The following CYREN variants were observed in gnomAD, a reference collection of about 807,000 sequenced individuals.
The protein encoded by CYREN is cell cycle regulator of NHEJ, also known as cell cycle regulator of non-homologous end joining.
A neutral mutation model predicts 9.7 loss-of-function variants in CYREN; 7 were observed. The observed-to-expected ratio is 0.72, with a 90% CI of 0.41 to 1.36. The LOEUF is 1.36. CYREN is among the 40% of genes most tolerant of loss of function. The pLI, the probability that CYREN is intolerant of heterozygous loss-of-function variation, is 0.01. For synonymous variants in CYREN, 76 were observed against 77.9 expected (o/e 0.98, Z 0.13); for missense variants, 215 against 198.1 (o/e 1.09, Z -0.51).
At chr7:135,128,678 G>T in intron 2 of CYREN, 1 of 1,244,586 alleles carries the variant, frequency 8.0e-7, no homozygotes, top group Non-Finnish European at 1.2e-6. Context: ...TAGTATACCT[G>T]AATATTGTCT....
intron 2 of CYREN, 130 bp from the exon 3 acceptor site, chr7:135,167,937 G>T: frequency 1.4e-6 from 2 of 1,473,332 alleles, no homozygotes; most frequent in Non-Finnish European, 1.8e-6. Context: ...CCTCTGAGCT[G>T]AGGAGCTTTC....
At chr7:135,124,594 C>T (rs10268206) in intron 2 of CYREN, among the ~76,000 whole-genome samples, 76,964 of 152,086 alleles carry the variant, frequency 0.51, 19,752 homozygotes, top group South Asian at 0.66. Flanking sequence ...ACAGAATATA[C>T]GTTCTTCTCT....
intron 2 of CYREN, chr7:135,168,333 A>C (rs73153794): frequency 0.5 from 44,729 of 88,662 alleles, 12,631 homozygotes; most frequent in South Asian, 0.65. Context: ...TCATTCAACT[A>C]ACTCACTCCC....
chr7:135,115,715 A>C, intron 2 of CYREN: 1 of 930,852 alleles, frequency 1.1e-6, no homozygotes, highest in Non-Finnish European at 1.6e-6. Context: ...CTGCTCTTGA[A>C]AATGATGTCA....
At chr7:135,105,422 T>C (rs1824543058) in intron 2 of CYREN, among the ~76,000 whole-genome samples, 1 of 152,158 alleles carries the variant, frequency 6.6e-6, no homozygotes, top group African/African-American at 2.4e-5. Flanking sequence ...TGGTGTAAGG[T>C]AGGGGTGCAG....
intron 2 of CYREN, among the ~76,000 whole-genome samples, chr7:135,144,670 T>G (rs181594781): frequency 7.3e-5 from 11 of 151,556 alleles, no homozygotes. Context: ...AATCCCAGCA[T>G]TCTGGGAGGC....
chr7:135,102,724 T>C (rs1824036089), intron 2 of CYREN, among the ~76,000 whole-genome samples: 1 of 151,552 alleles, frequency 6.6e-6, no homozygotes, highest in Admixed American at 6.6e-5. Flanking sequence ...AATATTCATA[T>C]AAAAATTAAC....
chr7:135,134,919 C>A, intron 2 of CYREN: 2 of 1,551,044 alleles, frequency 1.3e-6, no homozygotes, highest in Non-Finnish European at 1.7e-6. Context: ...CTTTTGTAAT[C>A]CAAGGGGATG....
intron 2 of CYREN, among the ~76,000 whole-genome samples, chr7:135,097,206 C>T (rs1330008637): frequency 6.6e-6 from 1 of 152,068 alleles, no homozygotes; most frequent in Non-Finnish European, 1.5e-5. Flanking sequence ...AATATCCCGT[C>T]GGTCAACAAA....
chr7:135,125,031 G>A (rs945535196), intron 2 of CYREN, among the ~76,000 whole-genome samples: 1 of 151,732 alleles, frequency 6.6e-6, no homozygotes, highest in Non-Finnish European at 1.5e-5. Context: ...GCTAGCAGAA[G>A]ACAAGAAATA....
intron 2 of CYREN, among the ~76,000 whole-genome samples, chr7:135,145,270 T>C (rs1829525378): frequency 6.6e-6 from 1 of 152,234 alleles, no homozygotes; most frequent in South Asian, 2.1e-4. Context: ...CAAGTTAGAA[T>C]GAAGATATTT....
At chr7:135,129,761 C>T (rs1463906398) in intron 2 of CYREN, 1 of 661,576 alleles carries the variant, frequency 1.5e-6, no homozygotes, top group Non-Finnish European at 2.8e-6. Context: ...ACAAAGTAAC[C>T]CTGCAGGATA....
At chr7:135,144,555 A>C (rs1283206217) in intron 2 of CYREN, among the ~76,000 whole-genome samples, 2 of 152,090 alleles carry the variant, frequency 1.3e-5, no homozygotes, top group African/African-American at 4.8e-5. Context: ...CCAGAGAACC[A>C]GTGAAAGAGA....
chr7:135,103,354 T>C (rs2117050080), intron 2 of CYREN, among the ~76,000 whole-genome samples: 1 of 152,252 alleles, frequency 6.6e-6, no homozygotes, highest in Middle Eastern at 3.4e-3. Flanking sequence ...ATATAGAAAA[T>C]GTTTTAAGTG....
chr7:135,095,525 C>A (rs1391164228), intron 2 of CYREN, among the ~76,000 whole-genome samples: 1 of 152,146 alleles, frequency 6.6e-6, no homozygotes, highest in Non-Finnish European at 1.5e-5. Flanking sequence ...ATAGTAAAGG[C>A]CTATTAACTT....
At chr7:135,124,888 C>T (rs1827644069) in intron 2 of CYREN, among the ~76,000 whole-genome samples, 1 of 152,168 alleles carries the variant, frequency 6.6e-6, no homozygotes, top group African/African-American at 2.4e-5. Flanking sequence ...CTCTGGGACA[C>T]AGCTAAAGCA....
In CYREN at chr7:135,166,663, T is replaced by C; in HGVS notation, c.422A>G (p.Glu141Gly). The C allele has an allele frequency of 6.2e-7, 1 of 1,608,916 alleles. No individual in the cohort carries two copies. ...SSSACSRSPE[E>G]EEEEDVLKYV... ...TTTCAGCACATCCTCTTCCTCCTCC[T>C]CCTCAGGGCTCCTGCTACAGGCAGA... The change falls in exon 4 of 4, where the codon GAG (glutamate) becomes GGG (glycine). Residue 141 changes from glutamate to glycine, a missense_variant. Glu to Gly is a moderately conservative substitution (Grantham distance 98). Coordinates refer to ENST00000393114, the MANE Select transcript of CYREN (RefSeq NM_024033.4).
At chr7:135,127,538 C>T (rs1248106498) in intron 2 of CYREN, among the ~76,000 whole-genome samples, 3 of 122,602 alleles carry the variant, frequency 2.4e-5, no homozygotes, top group Non-Finnish European at 3.4e-5. Context: ...GGCAACAGAG[C>T]AAGTCTCCGT....
At chr7:135,139,213 A>G (rs1236837637) in intron 2 of CYREN, among the ~76,000 whole-genome samples, 3 of 152,050 alleles carry the variant, frequency 2.0e-5, no homozygotes, top group Admixed American at 1.3e-4. Context: ...TCCTGCCAAC[A>G]GTGTGTAAGC....
Sources: gnomAD v4.1 joint callset for allele counts (sites outside exome capture counted in the v4.1 genomes callset) on GRCh38, gnomAD v4.1.1 for gene constraint, MANE v1.5 for transcripts, NCBI Gene and HGNC (gene_info 2026-07-23, HGNC 2026-07-21) for gene names.